KY: variants seen among roughly 807,000 people sequenced by gnomAD.
KY encodes kyphoscoliosis peptidase.
Under a neutral mutation model 76.1 loss-of-function variants are expected in KY, and 43 were observed. The ratio of observed to expected loss-of-function variants is 0.57; its 90% CI spans 0.44 to 0.73. The LOEUF (loss-of-function observed/expected upper bound fraction) is 0.73. Ranked by LOEUF, KY falls within the 30% of genes least tolerant of loss-of-function variation. The pLI, the probability that KY is intolerant of heterozygous loss-of-function variation, is 0.00. For synonymous variants in KY, 277 were observed against 326.2 expected (o/e 0.85, Z 1.63); for missense variants, 722 against 828.9 (o/e 0.87, Z 1.58).
At chr3:134,614,715 G>A (rs995956624) in intron 8 of KY, among the ~76,000 whole-genome samples, 3 of 152,186 alleles carry the variant, frequency 2.0e-5, no homozygotes, top group African/African-American at 7.2e-5. Flanking sequence ...GTATCCTAGT[G>A]TATTAATTTG....
rs374264286 is a variant in KY, at chr3:134,637,945, C to T, written c.262+5371G>A. On this transcript the variant is annotated intron_variant, in intron 3 of 10. Coordinates refer to ENST00000423778, the MANE Select transcript of KY (RefSeq NM_178554.6). ...GCTCCAGCCATCACTATTCCTAATC[C>T]CTTCTCTCCTTTCTGTGATTCCTCT... 2.6e-5 allele frequency among the ~76,000 whole-genome samples: 4 copies of T among 152,316 alleles called. No individual in the cohort carries two copies. In the East Asian group the frequency reaches 7.7e-4, roughly 29 times the overall value.
chr3:134,645,236 G>A (rs539644768), intron 2 of KY, among the ~76,000 whole-genome samples: 2 of 152,208 alleles, frequency 1.3e-5, no homozygotes, highest in Non-Finnish European at 2.9e-5. Context: ...AGGAGGGTGA[G>A]GAGGCGGCTG....
Position 134,604,039 on chromosome 3 carries a change from C to A in KY, c.1526G>T (p.Arg509Leu). The A allele has an allele frequency of 6.2e-7, 1 of 1,614,014 alleles. No homozygotes were observed. The highest frequency in any genetic ancestry group is 8.5e-7 in the Non-Finnish European group (1 of 1,179,872). Reference sequence around the variant, plus strand: ...CCGGTGCAGCTGGAAGATGTAGCGCCGCTGTGTCTCCTCAGTGATGGGGCC... The same window carrying A: ...CCGGTGCAGCTGGAAGATGTAGCGCAGCTGTGTCTCCTCAGTGATGGGGCC... ...DDGPITEETQ[R>L]RYIFQLHREK... The change falls in exon 11 of 11, where the codon CGG becomes CTG. Residue 509 changes from arginine (R) to leucine (L), a missense_variant. Arg to Leu is a moderately radical substitution (Grantham distance 102, BLOSUM62 -2). Around this residue, in one of 2 missense-constraint regions of KY, gnomAD observed 552 missense variants for 680.9 expected, o/e 0.81. Transcript: ENST00000423778.
rs1236895800 is a variant in KY at position 134,602,857 on chromosome 3, T to C, written c.*722A>G. Among the ~76,000 whole-genome samples, 1 of 152,234 alleles carries C rather than the reference T, an allele frequency of 6.6e-6. No individual in the cohort carries two copies. The highest frequency in any genetic ancestry group is 1.5e-5 in the Non-Finnish European group (1 of 68,030). ...CCCACCTGCACAGCCACAGCGGGCA[T>C]GGGCTGCTCTTTGCTTTGCAGTCTC... On this transcript the variant is annotated 3_prime_UTR_variant, in exon 11 of 11. Coordinates refer to ENST00000423778, the MANE Select transcript of KY (RefSeq NM_178554.6).
intron 7 of KY, 24 bp from the exon 8 acceptor site, chr3:134,619,289 T>C: frequency 6.4e-7 from 1 of 1,570,740 alleles, no homozygotes; most frequent in Non-Finnish European, 8.8e-7. Context: ...GAGGGGATCA[T>C]GAAGAGCTTG....
At chr3:134,610,550 C>T (rs1008903542) in intron 8 of KY, 167 bp from the exon 9 acceptor site, 1 of 619,390 alleles carries the variant, frequency 1.6e-6, no homozygotes, top group South Asian at 2.0e-5. Flanking sequence ...GCTTTTATCT[C>T]GGGGCACTGG....
rs982685420 is a variant in KY, at chr3:134,618,154, C to T, written c.710+994G>A. 3.3e-5 allele frequency among the ~76,000 whole-genome samples: 5 copies of T among 152,050 alleles called. No homozygotes were observed. The South Asian group carries it at 8.3e-4, about 25-fold the overall frequency. On this transcript the variant is annotated intron_variant, in intron 8 of 10. Transcript: ENST00000423778. Reference sequence around the variant, plus strand: ...AGGAGGCTTAGAGTAACTCAGCAGCCGGGTAGGTGCCTGTGCTTGGCAGTG... The same window carrying T: ...AGGAGGCTTAGAGTAACTCAGCAGCTGGGTAGGTGCCTGTGCTTGGCAGTG...
intron 3 of KY, chr3:134,640,063 C>T (rs1965540681): frequency 6.6e-6 from 1 of 152,146 alleles, no homozygotes; most frequent in Non-Finnish European, 1.5e-5. Context: ...GATCCATCTC[C>T]AAAGCCCCTT....
At chr3:134,643,530 A>C (rs969240419) in intron 2 of KY, among the ~76,000 whole-genome samples, 152 bp from the exon 3 acceptor site, 1 of 152,228 alleles carries the variant, frequency 6.6e-6, no homozygotes, top group African/African-American at 2.4e-5. Context: ...CAGTGTGCAC[A>C]TGTGCAAACC....
intron 3 of KY, among the ~76,000 whole-genome samples, chr3:134,642,364 G>A (rs1477334110): frequency 2.6e-5 from 4 of 152,210 alleles, no homozygotes; most frequent in Non-Finnish European, 4.4e-5. Context: ...CAGAGCAAGC[G>A]TGATGAACTC....
chr3:134,614,762 T>C (rs1316032220), intron 8 of KY, among the ~76,000 whole-genome samples: 2 of 152,192 alleles, frequency 1.3e-5, no homozygotes, highest in Admixed American at 1.3e-4. Context: ...GGCCCTGCCA[T>C]AGGAACTGTA....
Position 134,604,428 on chromosome 3 carries a change from C to G in KY, c.1137G>C (p.Leu379=). 6.2e-7 allele frequency: 1 copy of G among 1,613,740 alleles called. No homozygotes were observed. The highest frequency in any genetic ancestry group is 8.5e-7 in the Non-Finnish European group (1 of 1,179,824). ...GCTTGCCATTGAGCATGAACATGAA[C>G]AGCGTCGGGGCGCAGCTCTCAATGG... is the stretch of plus-strand genomic sequence containing the variant. The part of the protein sequence containing the change: ...TVTIESCAPT[L]FMFMLNGKQE... The change falls in exon 11 of 11, where the codon CTG becomes CTC. Residue 379 remains leucine (L), a synonymous_variant. Transcript: ENST00000423778.
intron 1 of KY, 44 bp downstream of exon 1, chr3:134,650,781 C>G: frequency 6.6e-7 from 1 of 1,516,614 alleles, no homozygotes; most frequent in East Asian, 2.4e-5. Flanking sequence ...GCAAGGAGGC[C>G]AAGGTGCCGG....
Position 134,607,803 on chromosome 3 carries a change from T to C in KY, c.1090+846A>G, listed in dbSNP as rs1051417018. 35 of 987,778 alleles carry C rather than the reference T, an allele frequency of 3.5e-5. No homozygotes were observed. In the African/African-American group the frequency reaches 5.9e-4, roughly 17 times the overall value. 61.2% of individuals were successfully genotyped at this position (987,778 alleles called of 1,614,324 possible). Reference sequence around the variant, plus strand: ...GGAGATGGCTAAGCTGGGTATCCTATACTGCCCCAGGGGAGTGGGCTGGAA... The same window carrying C: ...GGAGATGGCTAAGCTGGGTATCCTACACTGCCCCAGGGGAGTGGGCTGGAA... On this transcript the variant is annotated intron_variant, in intron 10 of 10. Transcript: ENST00000423778.
At chr3:134,629,369 G>A (rs1256156596) in intron 4 of KY, 1 of 483,382 alleles carries the variant, frequency 2.1e-6, no homozygotes, top group Admixed American at 3.4e-5. Context: ...ACACTCTTGT[G>A]ATGCAATGTG....
intron 3 of KY, among the ~76,000 whole-genome samples, chr3:134,634,850 T>A (rs1221121706): frequency 6.6e-6 from 1 of 152,086 alleles, no homozygotes; most frequent in Non-Finnish European, 1.5e-5. Context: ...CTGGAACCAA[T>A]CCCCCATGTA....
intron 3 of KY, among the ~76,000 whole-genome samples, chr3:134,635,834 A>G (rs1055834483): frequency 1.3e-5 from 2 of 152,226 alleles, no homozygotes; most frequent in African/African-American, 4.8e-5. Context: ...TATAAAGCAG[A>G]AAGTGAAACT....
intron 2 of KY, among the ~76,000 whole-genome samples, chr3:134,643,953 A>G (rs1445652381): frequency 6.6e-6 from 1 of 151,466 alleles, no homozygotes; most frequent in African/African-American, 2.4e-5. Context: ...CCACCTCCGG[A>G]GCAGCTGGGA....
rs367609583 is a variant in KY, at chr3:134,629,648, G to T, written c.310C>A (p.Leu104Met). 1.2e-6 allele frequency: 2 copies of T among 1,602,106 alleles called. No individual in the cohort carries two copies. Among genetic ancestry groups the T allele is most frequent in the South Asian group, 1.1e-5 (1 of 88,404 alleles). Residue 104 changes from leucine to methionine, a missense_variant, in exon 4 of 11, where the codon CTG (leucine) becomes ATG (methionine). This residue lies in a region of KY where 170 missense variants were observed against 148.1 expected (regional missense o/e 1.15). Transcript: ENST00000423778. ...TTAGCCAAGGAGAACTTCTTGAGCA[G>T]CTGGGGCATGGCATCTCGAGGGTGG... is the stretch of plus-strand genomic sequence containing the variant. ...EVHPRDAMPQ[L>M]LKKFSLAKRL...
Sources: gnomAD v4.1 joint callset for allele counts (sites outside exome capture counted in the v4.1 genomes callset) on GRCh38, gnomAD v4.1.1 for gene constraint, gnomAD v4.1.1 regional missense constraint, MANE v1.5 for transcripts, NCBI Gene and HGNC (gene_info 2026-07-23, HGNC 2026-07-21) for gene names.